Variants in ZNF519 observed in about 807,000 individuals in gnomAD.
The protein encoded by ZNF519 is zinc finger protein 519, also known as similar to Zinc finger protein 85 (Zinc finger protein HPF4) (HTF1).
A neutral mutation model predicts 7.4 loss-of-function variants in ZNF519; 7 were observed. That is an observed-to-expected ratio of 0.94 (90% CI 0.54 to 1.77). The LOEUF (loss-of-function observed/expected upper bound fraction) is 1.77, where lower values mean the gene tolerates loss of function less well. Among genes scored for constraint, ZNF519 ranks in the 40% most tolerant of loss-of-function variants. The probability of loss-of-function intolerance (pLI) is 0.00; values close to 1 mark genes in which losing one functional copy is unlikely to be tolerated. For synonymous variants in ZNF519, 179 were observed against 203.3 expected, an observed-to-expected ratio of 0.88 and a Z score of 1.02; for missense variants, 586 against 623.1, an observed-to-expected ratio of 0.94 and a Z score of 0.63.
chr18:14,083,410 A>G (rs559125459), intron 3 of ZNF519, among the ~76,000 whole-genome samples: 1 of 152,288 alleles, frequency 6.6e-6, no homozygotes, highest in Admixed American at 6.5e-5. Context: ...CCCAATGGCT[A>G]CATGAGTCAC....
Position 14,106,210 on chromosome 18 carries a change from G to A in ZNF519, c.330C>T (p.Asn110=). Reference sequence around the variant, plus strand: ...TGTCTCCTTTCACAGTTAAATGTTTGTTATGACTAGTTGTCAAATATTGGC... The same window carrying A: ...TGTCTCCTTTCACAGTTAAATGTTTATTATGACTAGTTGTCAAATATTGGC... The part of the protein sequence containing the change: ...LCSQYLTTSH[N]KHLTVKGDKE... The change falls in exon 3 of 3, where the codon AAC becomes AAT. Residue 110 remains asparagine (N), a synonymous_variant. Transcript: ENST00000590202. 3.1e-6 allele frequency: 5 copies of A among 1,613,184 alleles called. No individual in the cohort carries two copies. In the South Asian group the frequency reaches 5.5e-5, roughly 18 times the overall value.
At chr18:14,127,122 T>C (rs1411178924) in intron 1 of ZNF519, among the ~76,000 whole-genome samples, 2 of 152,194 alleles carry the variant, frequency 1.3e-5, no homozygotes, top group African/African-American at 4.8e-5. Flanking sequence ...ACAGTTGTGA[T>C]TATGGCTCTG....
intron 3 of ZNF519, among the ~76,000 whole-genome samples, chr18:14,080,862 C>T (rs533266931): frequency 1.3e-5 from 2 of 152,142 alleles, no homozygotes; most frequent in South Asian, 4.1e-4. Context: ...TATATGCTAT[C>T]GAGCCTGAAA....
intron 2 of ZNF519, among the ~76,000 whole-genome samples, chr18:14,094,451 T>C (rs1358215047): frequency 1.3e-5 from 2 of 152,216 alleles, no homozygotes; most frequent in Non-Finnish European, 2.9e-5. Flanking sequence ...AAGGTGTTTT[T>C]CTTCTACACC....
intron 2 of ZNF519, chr18:14,123,193 T>C: frequency 4.2e-6 from 1 of 238,852 alleles, no homozygotes; most frequent in South Asian, 8.8e-5. Context: ...CCAGGTCTGG[T>C]TAGAGATAGC....
downstream of ZNF519, among the ~76,000 whole-genome samples, chr18:14,098,870 T>C (rs1325302792): frequency 6.6e-6 from 1 of 152,184 alleles, no homozygotes; most frequent in Non-Finnish European, 1.5e-5. Flanking sequence ...GAAATCTTTA[T>C]TAGGGTCTAT....
At chr18:14,127,101 T>G (rs1239011210) in intron 1 of ZNF519, among the ~76,000 whole-genome samples, 1 of 152,200 alleles carries the variant, frequency 6.6e-6, no homozygotes, top group Non-Finnish European at 1.5e-5. Context: ...ACTAACAGTT[T>G]ACAGGGAGGC....
intron 2 of ZNF519, among the ~76,000 whole-genome samples, chr18:14,119,833 A>G (rs2046262322): frequency 6.6e-6 from 1 of 152,240 alleles, no homozygotes; most frequent in East Asian, 1.9e-4. Flanking sequence ...TTTATTTACA[A>G]TTGTATAAAA....
At position 14,101,757 on chromosome 18, in the gene ZNF519, A is replaced by G. The variant is rs770690468; in HGVS notation, c.*3160T>C. On this transcript the variant is annotated 3_prime_UTR_variant, in exon 3 of 3. Transcript: ENST00000590202. ...TGAAGTGTCCATCAGTTCTTTGATG[A>G]TGTTCTGTGTGGAGCTCTGCAAAGA... 1.0e-5 allele frequency: 4 copies of G among 398,610 alleles called. No homozygotes were observed. Among genetic ancestry groups the G allele is most frequent in the Non-Finnish European group, 1.8e-5 (4 of 226,126 alleles). The allele number at this position is 398,610 out of a possible 1,614,324, so 24.7% of individuals were successfully genotyped here.
chr18:14,130,443 TAC>T (rs2046323661), intron 1 of ZNF519, among the ~76,000 whole-genome samples: 1 of 152,104 alleles, frequency 6.6e-6, no homozygotes, highest in African/African-American at 2.4e-5. Flanking sequence ...AGATCCAATT[TAC>T]AGTTAATTAA....
downstream of ZNF519, among the ~76,000 whole-genome samples, chr18:14,099,348 T>C (rs1454149816): frequency 6.6e-6 from 1 of 152,206 alleles, no homozygotes; most frequent in African/African-American, 2.4e-5. Flanking sequence ...ACTAGTATAT[T>C]TGCTCTGTGA....
intron 2 of ZNF519, among the ~76,000 whole-genome samples, chr18:14,087,914 G>GT (rs11420600): frequency 0.2 from 31,063 of 152,114 alleles, 3,956 homozygotes; most frequent in East Asian, 0.67. Context: ...GATTATGGAT[G>GT]TGAGTACACT....
intron 1 of ZNF519, among the ~76,000 whole-genome samples, chr18:14,124,694 C>G (rs902650577): frequency 5.9e-5 from 9 of 151,870 alleles, no homozygotes; most frequent in African/African-American, 2.2e-4. Flanking sequence ...ACTGACCTAC[C>G]CCTACCAAAA....
At chr18:14,125,078 T>C (rs1304271895) in intron 1 of ZNF519, among the ~76,000 whole-genome samples, 1 of 152,236 alleles carries the variant, frequency 6.6e-6, no homozygotes, top group Non-Finnish European at 1.5e-5. Flanking sequence ...CTCCTGTTAA[T>C]GCTGATATTC....
Position 14,101,334 on chromosome 18 carries a change from G to T in ZNF519, c.*3583C>A. ...CCAGATTTAGGGCTGATTTATTTCC[G>T]CACTCAGAGGGATAAAGGGGGGCCA... On this transcript the variant is annotated 3_prime_UTR_variant, in exon 3 of 3. Transcript: ENST00000590202. 1 of 180,360 alleles carries T rather than the reference G, an allele frequency of 5.5e-6. No individual in the cohort carries two copies. The highest frequency in any genetic ancestry group is 1.2e-5 in the Non-Finnish European group (1 of 86,894). The allele number at this position is 180,360 out of a possible 1,614,324, so 11.2% of individuals were successfully genotyped here. A position where few individuals can be genotyped will look rare whatever the true frequency, so the allele number is the denominator to read the frequency against.
chr18:14,086,077 G>C (rs1313917285), intron 2 of ZNF519, among the ~76,000 whole-genome samples: 1 of 152,130 alleles, frequency 6.6e-6, no homozygotes, highest in Admixed American at 6.5e-5. Flanking sequence ...TCTAAACCCT[G>C]GGCAGCACAG....
At chr18:14,085,834 G>A (rs1239100495) in intron 2 of ZNF519, among the ~76,000 whole-genome samples, 1 of 152,208 alleles carries the variant, frequency 6.6e-6, no homozygotes, top group Admixed American at 6.5e-5. Flanking sequence ...AATCACCCCA[G>A]CACTTGGTGG....
downstream of ZNF519, chr18:14,072,240 C>T (rs1348012636): frequency 1.3e-5 from 2 of 152,132 alleles, no homozygotes. Context: ...ACAATCACTA[C>T]TTGATTTTGA....
At chr18:14,099,451 G>T (rs1053380866), downstream of ZNF519, among the ~76,000 whole-genome samples, 3 of 152,024 alleles carry the variant, frequency 2.0e-5, no homozygotes, top group Non-Finnish European at 4.4e-5. Context: ...TACTTATTAT[G>T]TATATTATAC....
Sources: allele counts gnomAD v4.1 joint callset (sites outside exome capture counted in the v4.1 genomes callset), GRCh38; gene constraint gnomAD v4.1.1; transcripts MANE v1.5; gene names NCBI Gene and HGNC (gene_info 2026-07-23, HGNC 2026-07-21).